NUBPL: variants seen among roughly 807,000 people sequenced by gnomAD.
NUBPL encodes NUBP iron-sulfur cluster assembly factor, mitochondrial.
NUBPL carries 31 observed loss-of-function variants against 45.7 expected under a neutral mutation model. The observed-to-expected ratio is 0.68, with a 90% confidence interval of 0.51 to 0.92. The LOEUF is 0.92. Ranked by LOEUF, NUBPL falls within the 40% of genes least tolerant of loss-of-function variation. The pLI, the probability that NUBPL is intolerant of heterozygous loss-of-function variation, is 0.00. For missense variants in NUBPL, 401 were observed against 398.7 expected, an observed-to-expected ratio of 1.01 and a Z score of -0.05; for synonymous variants, 144 against 140.9, an observed-to-expected ratio of 1.02 and a Z score of -0.15.
At chr14:31,672,607 C>T (rs1324890623) in intron 4 of NUBPL, among the ~76,000 whole-genome samples, 5 of 152,150 alleles carry the variant, frequency 3.3e-5, no homozygotes, top group African/African-American at 9.6e-5. Context: ...GGACTATAGG[C>T]GTGCACCACC....
intron 6 of NUBPL, among the ~76,000 whole-genome samples, chr14:31,690,333 G>T (rs991724343): frequency 4.6e-5 from 7 of 152,134 alleles, no homozygotes; most frequent in Admixed American, 3.3e-4. Flanking sequence ...TTCTGGATTG[G>T]GTCCACTGAC....
chr14:31,852,461 A>G (rs902363628), intron 10 of NUBPL, among the ~76,000 whole-genome samples: 4 of 152,110 alleles, frequency 2.6e-5, no homozygotes, highest in Non-Finnish European at 5.9e-5. Flanking sequence ...TCACGAGGTC[A>G]GGAGTTTGAG....
At chr14:31,596,958 G>GT (rs1350641129) in intron 3 of NUBPL, among the ~76,000 whole-genome samples, 1 of 152,138 alleles carries the variant, frequency 6.6e-6, no homozygotes, top group Non-Finnish European at 1.5e-5. Flanking sequence ...ATTTAAGATG[G>GT]TATGTTTTTA....
At chr14:31,573,398 T>C (rs2033639933) in intron 3 of NUBPL, among the ~76,000 whole-genome samples, 1 of 152,184 alleles carries the variant, frequency 6.6e-6, no homozygotes, top group African/African-American at 2.4e-5. Flanking sequence ...CATCACCAGC[T>C]TGCATATCTC....
At chr14:31,633,893 T>G (rs974682135) in intron 4 of NUBPL, among the ~76,000 whole-genome samples, 1 of 152,122 alleles carries the variant, frequency 6.6e-6, no homozygotes, top group Non-Finnish European at 1.5e-5. Context: ...TCGATATAAT[T>G]GCCGTTCTGG....
At chr14:31,670,780 G>A (rs996131054) in intron 4 of NUBPL, among the ~76,000 whole-genome samples, 2 of 152,138 alleles carry the variant, frequency 1.3e-5, no homozygotes, top group Admixed American at 6.6e-5. Flanking sequence ...TCAGATGGTT[G>A]TAGTTGTGTG....
intron 1 of NUBPL, 144 bp downstream of exon 1, chr14:31,561,691 G>T (rs1377823733): frequency 8.4e-6 from 5 of 592,354 alleles, no homozygotes; most frequent in Non-Finnish European, 1.4e-5. Context: ...TTTTCAGGCA[G>T]GCCCAGGCTG....
intron 4 of NUBPL, among the ~76,000 whole-genome samples, chr14:31,652,150 A>G (rs1810590766): frequency 6.6e-6 from 1 of 152,184 alleles, no homozygotes; most frequent in South Asian, 2.1e-4. Flanking sequence ...TTGCAACTAT[A>G]TGAGTAAAGC....
chr14:31,691,873 T>A (rs959953914), intron 6 of NUBPL, among the ~76,000 whole-genome samples: 5 of 152,186 alleles, frequency 3.3e-5, no homozygotes, highest in African/African-American at 1.2e-4. Flanking sequence ...ATGAAGTCTC[T>A]TGGTTTCAAC....
At position 31,814,146 on chromosome 14, in the gene NUBPL, A is replaced by G. The variant is rs193145711; in HGVS notation, c.608-12483A>G. Among the ~76,000 whole-genome samples, 544 of 152,276 alleles carry G rather than the reference A, an allele frequency of 3.6e-3. 1 individual carries two copies. Among genetic ancestry groups the G allele is most frequent in the Non-Finnish European group, 4.8e-3 (327 of 68,014 alleles). On this transcript the variant is annotated intron_variant, in intron 7 of 10. Transcript: ENST00000281081. ...AATGGTTGAACTAATTTACACTCCC[A>G]CCAACAGTGTAAAAGCATTCCTATT...
chr14:31,644,689 ACT>A (rs1175311995), intron 4 of NUBPL, among the ~76,000 whole-genome samples: 1 of 151,344 alleles, frequency 6.6e-6, no homozygotes, highest in African/African-American at 2.4e-5. Flanking sequence ...GTGCAGTTTA[ACT>A]CTGATGTTTG....
At chr14:31,714,712 C>T (rs2037650519) in intron 6 of NUBPL, 1 of 152,204 alleles carries the variant, frequency 6.6e-6, no homozygotes, top group Admixed American at 6.5e-5. Context: ...TTGGGAATCA[C>T]ATTTCAGCAT....
intron 3 of NUBPL, among the ~76,000 whole-genome samples, chr14:31,589,763 G>A (rs2034096345): frequency 6.6e-6 from 1 of 152,102 alleles, no homozygotes; most frequent in Non-Finnish European, 1.5e-5. Flanking sequence ...TTTTCTGCAT[G>A]GTTTTAGGCA....
At chr14:31,566,872 C>T (rs1156856506) in intron 3 of NUBPL, among the ~76,000 whole-genome samples, 1 of 152,132 alleles carries the variant, frequency 6.6e-6, no homozygotes, top group African/African-American at 2.4e-5. Context: ...ATGTAGTCAG[C>T]TTCCAGAAGC....
chr14:31,602,503 A>G (rs950781952), intron 4 of NUBPL, among the ~76,000 whole-genome samples: 1 of 152,024 alleles, frequency 6.6e-6, no homozygotes, highest in South Asian at 2.1e-4. Context: ...CCGAATTTTA[A>G]TAAAATAAAT....
intron 3 of NUBPL, among the ~76,000 whole-genome samples, chr14:31,588,552 A>G (rs1255096161): frequency 1.3e-5 from 2 of 152,066 alleles, no homozygotes; most frequent in African/African-American, 4.8e-5. Flanking sequence ...TGATACAAAT[A>G]CTAGTTTGCT....
chr14:31,673,015 A>G (rs926241611), intron 4 of NUBPL, among the ~76,000 whole-genome samples: 1 of 152,234 alleles, frequency 6.6e-6, no homozygotes, highest in Non-Finnish European at 1.5e-5. Context: ...GACAGGGGGA[A>G]TAAGTTCTAG....
chr14:31,813,576 G>T (rs1460887599), intron 7 of NUBPL, among the ~76,000 whole-genome samples: 1 of 151,712 alleles, frequency 6.6e-6, no homozygotes, highest in Admixed American at 6.6e-5. Flanking sequence ...TGGGATACAT[G>T]TGCAGAACAT....
chr14:31,780,204 A>G (rs1312821051), intron 6 of NUBPL, among the ~76,000 whole-genome samples: 1 of 151,188 alleles, frequency 6.6e-6, no homozygotes, highest in Non-Finnish European at 1.5e-5. Context: ...CTGGGATTAC[A>G]GGCATGTGCC....
Sources: gnomAD v4.1 joint callset for allele counts (sites outside exome capture counted in the v4.1 genomes callset) on GRCh38, gnomAD v4.1.1 for gene constraint, MANE v1.5 for transcripts, NCBI Gene and HGNC (gene_info 2026-07-23, HGNC 2026-07-21) for gene names.